DIS3L2: variants seen among roughly 807,000 people sequenced by gnomAD.
DIS3L2 encodes the protein DIS3-like exonuclease 2.
A neutral mutation model predicts 97.5 loss-of-function variants in DIS3L2; 34 were observed. The observed-to-expected ratio is 0.35, with a 90% CI of 0.27 to 0.46. The LOEUF (loss-of-function observed/expected upper bound fraction) is 0.46. Ranked by LOEUF, DIS3L2 falls within the 20% of genes least tolerant of loss-of-function variation. The pLI is 1.00. For synonymous variants in DIS3L2, 435 were observed against 445.2 expected (o/e 0.98, Z 0.29); for missense variants, 1,038 against 1,146.0 (o/e 0.91, Z 1.36).
intron 8 of DIS3L2, among the ~76,000 whole-genome samples, chr2:232,149,169 A>T (rs534848241): frequency 6.7e-6 from 1 of 149,120 alleles, no homozygotes; most frequent in South Asian, 2.1e-4. Context: ...AATGTAAGCA[A>T]ATCTTTCATT....
At chr2:232,003,979 A>AT (rs1693977789) in intron 1 of DIS3L2, among the ~76,000 whole-genome samples, 1 of 152,086 alleles carries the variant, frequency 6.6e-6, no homozygotes, top group South Asian at 2.1e-4. Context: ...GAATCTATGT[A>AT]TTTATGTTTT....
chr2:232,160,641 C>G, intron 8 of DIS3L2, among the ~76,000 whole-genome samples: 1 of 151,986 alleles, frequency 6.6e-6, no homozygotes, highest in East Asian at 1.9e-4. Flanking sequence ...TTTGGGAGGC[C>G]GAGGTGGGCA....
At chr2:232,300,961 G>T (rs986129967) in intron 14 of DIS3L2, among the ~76,000 whole-genome samples, 2 of 146,274 alleles carry the variant, frequency 1.4e-5, no homozygotes, top group Middle Eastern at 3.2e-3. Context: ...GCCACAGACT[G>T]CCTCCTTGAC....
In DIS3L2 at chr2:232,136,656, A is replaced by G. The variant is rs1456333788; in HGVS notation, c.887A>G (p.Tyr296Cys). Residue 296 changes from tyrosine to cysteine, a missense_variant, in exon 8 of 21, where the codon TAT becomes TGT. Tyr to Cys is a radical substitution (Grantham distance 194). Around this residue, in one of 3 missense-constraint regions of DIS3L2, gnomAD observed 813 missense variants for 880.1 expected, o/e 0.92. Transcript: ENST00000325385. Reference sequence around the variant, plus strand: ...GACTTTGTGGCACGGCCTAAAGATTATGCCAACACACTGTTCATCTGCCGC... The same window carrying G: ...GACTTTGTGGCACGGCCTAAAGATTGTGCCAACACACTGTTCATCTGCCGC... ...PQDFVARPKDYANTLFICRIV... is the reference protein window; with the variant it reads ...PQDFVARPKDCANTLFICRIV... 6.2e-7 allele frequency: 1 copy of G among 1,613,768 alleles called. No individual in the cohort carries two copies. Among genetic ancestry groups the G allele is most frequent in the East Asian group, 2.2e-5 (1 of 44,866 alleles).
intron 1 of DIS3L2, among the ~76,000 whole-genome samples, chr2:231,974,157 A>C (rs1693005602): frequency 6.6e-6 from 1 of 152,144 alleles, no homozygotes; most frequent in Non-Finnish European, 1.5e-5. Flanking sequence ...CAGCCACCAG[A>C]AATTGGTGAA....
At chr2:232,124,214 A>C (rs374836138) in intron 6 of DIS3L2, among the ~76,000 whole-genome samples, 1 of 152,152 alleles carries the variant, frequency 6.6e-6, no homozygotes. Flanking sequence ...AACACAAACA[A>C]CAGAAGTGGC....
intron 10 of DIS3L2, among the ~76,000 whole-genome samples, chr2:232,213,380 T>C (rs1168551262): frequency 2.0e-5 from 3 of 152,090 alleles, no homozygotes; most frequent in Non-Finnish European, 4.4e-5. Context: ...GAAAAGGACA[T>C]GGAAAAGGAG....
intron 5 of DIS3L2, among the ~76,000 whole-genome samples, chr2:232,068,769 A>G (rs1695925028): frequency 6.6e-6 from 1 of 151,808 alleles, no homozygotes; most frequent in Non-Finnish European, 1.5e-5. Flanking sequence ...TTTTTATTAT[A>G]TACTGTTTGA....
chr2:232,326,247 C>T (rs1420376533), intron 14 of DIS3L2, among the ~76,000 whole-genome samples: 3 of 152,146 alleles, frequency 2.0e-5, no homozygotes. Context: ...GACTGTGGAG[C>T]CTGTGCTGGC....
intron 1 of DIS3L2, among the ~76,000 whole-genome samples, chr2:232,007,347 T>A (rs919095054): frequency 1.3e-5 from 2 of 152,040 alleles, no homozygotes; most frequent in Non-Finnish European, 2.9e-5. Flanking sequence ...ATGAGAGAGT[T>A]AAGAGTGAGG....
intron 1 of DIS3L2, among the ~76,000 whole-genome samples, chr2:232,001,331 C>T (rs1559530026): frequency 6.6e-6 from 1 of 152,014 alleles, no homozygotes; most frequent in African/African-American, 2.4e-5. Context: ...TTTCATATAC[C>T]TGTTGGTAAT....
chr2:232,330,739 A>C lies in DIS3L2; in HGVS notation c.1973A>C (p.Lys658Thr), dbSNP rs1695711297. The C allele has an allele frequency of 6.2e-7, 1 of 1,613,490 alleles. No individual in the cohort carries two copies. Among genetic ancestry groups the C allele is most frequent in the Non-Finnish European group, 8.5e-7 (1 of 1,180,018 alleles). ...FGDDKYSLAR[K>T]EVLTNMCSRP... ...GATGACAAGTACTCACTGGCCCGCA[A>C]GGAGGTGCTCACCAACATGTGCTCC... The change falls in exon 16 of 21, where the codon AAG becomes ACG. Residue 658 changes from lysine (K) to threonine (T), a missense_variant. By Grantham distance (78) the Lys-to-Thr change is moderately conservative. Coordinates refer to ENST00000325385, the MANE Select transcript of DIS3L2 (RefSeq NM_152383.5).
At chr2:232,224,360 T>A (rs1354945891) in intron 10 of DIS3L2, among the ~76,000 whole-genome samples, 1 of 152,194 alleles carries the variant, frequency 6.6e-6, no homozygotes, top group Non-Finnish European at 1.5e-5. Context: ...TCCATGTGGC[T>A]CATAGATCTG....
chr2:232,111,764 C>T (rs534702322), intron 6 of DIS3L2, among the ~76,000 whole-genome samples: 21 of 152,180 alleles, frequency 1.4e-4, no homozygotes, highest in Non-Finnish European at 1.9e-4. Context: ...CAGGCTGAAT[C>T]CTGCTTGGAA....
At chr2:232,070,536 C>T (rs181685865) in intron 5 of DIS3L2, among the ~76,000 whole-genome samples, 51 of 151,392 alleles carry the variant, frequency 3.4e-4, no homozygotes, top group Middle Eastern at 3.5e-3. Context: ...TCTCACTCTT[C>T]GTTAGTGATT....
intron 1 of DIS3L2, among the ~76,000 whole-genome samples, chr2:231,999,796 T>G (rs1201048748): frequency 1.3e-5 from 2 of 151,156 alleles, no homozygotes; most frequent in East Asian, 3.9e-4. Context: ...CTCTAATATA[T>G]TGTGATTTAT....
At chr2:232,030,261 ATTGCTAATTAAATGAGTTCTCC>A (rs774327341) in intron 5 of DIS3L2, among the ~76,000 whole-genome samples, 181 bp downstream of exon 5, 73 of 152,136 alleles carry the variant, frequency 4.8e-4, no homozygotes, top group Non-Finnish European at 2.8e-4. Flanking sequence ...TGCTGGGCAG[ATTGCTAATTAAATGAGTTCTCC>A]TTGCTCTCTC....
At chr2:232,104,032 A>T (rs936617371) in intron 6 of DIS3L2, among the ~76,000 whole-genome samples, 2 of 151,538 alleles carry the variant, frequency 1.3e-5, no homozygotes, top group Non-Finnish European at 2.9e-5. Context: ...CTAGTGACTT[A>T]ATCTGTTTAA....
chr2:232,035,444 C>G (rs1359874652), intron 5 of DIS3L2, among the ~76,000 whole-genome samples: 1 of 152,180 alleles, frequency 6.6e-6, no homozygotes, highest in Non-Finnish European at 1.5e-5. Context: ...GGTCTTGACT[C>G]TTTATCCAAT....
Sources: gnomAD v4.1 joint callset for allele counts (sites outside exome capture counted in the v4.1 genomes callset) on GRCh38, gnomAD v4.1.1 for gene constraint, gnomAD v4.1.1 regional missense constraint, MANE v1.5 for transcripts, NCBI Gene and HGNC (gene_info 2026-07-23, HGNC 2026-07-21) for gene names.